Variants in KSR2 observed in about 807,000 individuals in gnomAD.
KSR2 encodes the protein kinase suppressor of ras 2.
KSR2 carries 25 observed loss-of-function variants against 107.8 expected under a neutral mutation model. The ratio of observed to expected loss-of-function variants is 0.23; its 90% CI spans 0.17 to 0.32. The LOEUF (loss-of-function observed/expected upper bound fraction) is 0.32, where lower values mean the gene tolerates loss of function less well. KSR2 is among the 10% of genes least tolerant of loss of function. KSR2 has a pLI of 1.00. For missense variants in KSR2, 887 were observed against 1,268.9 expected (o/e 0.70, Z 4.57); for synonymous variants, 480 against 507.0 (o/e 0.95, Z 0.71).
At chr12:117,753,405 T>C (rs1366957955) in intron 4 of KSR2, among the ~76,000 whole-genome samples, 4 of 152,172 alleles carry the variant, frequency 2.6e-5, no homozygotes, top group Admixed American at 2.0e-4. Context: ...TTCAGCCCCA[T>C]TGAGAATTCA....
intron 1 of KSR2, among the ~76,000 whole-genome samples, chr12:117,956,395 C>T (rs1896519520): frequency 6.6e-6 from 1 of 150,968 alleles, no homozygotes; most frequent in South Asian, 2.1e-4. Flanking sequence ...TAGCAAGACC[C>T]GCACCTCTAC....
chr12:117,908,650 T>C (rs953089763), intron 1 of KSR2, among the ~76,000 whole-genome samples: 4 of 152,166 alleles, frequency 2.6e-5, no homozygotes, highest in Non-Finnish European at 4.4e-5. Flanking sequence ...TGTGAAATCA[T>C]ACAACTGCAA....
chr12:117,688,234 G>C lies in KSR2; in HGVS notation c.987-20576C>G, dbSNP rs1016789971. On this transcript the variant is annotated intron_variant, in intron 4 of 19. Transcript: ENST00000339824. ...GTCTCTACGAAAAATACAAAAACTGGCCAGGAATGGTGGTGGGTGCCTGCA... is the reference window on the plus strand; with the variant it reads ...GTCTCTACGAAAAATACAAAAACTGCCCAGGAATGGTGGTGGGTGCCTGCA... Among the ~76,000 whole-genome samples, 5 of 152,144 alleles carry C rather than the reference G, an allele frequency of 3.3e-5. No homozygotes were observed. In the South Asian group the frequency reaches 1.0e-3, roughly 32 times the overall value.
intron 3 of KSR2, among the ~76,000 whole-genome samples, chr12:117,784,373 T>C (rs996208371): frequency 2.6e-5 from 4 of 152,180 alleles, no homozygotes; most frequent in African/African-American, 9.7e-5. Flanking sequence ...GTCCCTTTGC[T>C]CTTCCTTCCT....
At chr12:117,683,166 T>C (rs1885440366) in intron 4 of KSR2, among the ~76,000 whole-genome samples, 1 of 152,196 alleles carries the variant, frequency 6.6e-6, no homozygotes, top group African/African-American at 2.4e-5. Context: ...CATTCCTTTA[T>C]AAAAATAAAA....
intron 4 of KSR2, among the ~76,000 whole-genome samples, chr12:117,692,143 G>A (rs182052781): frequency 2.0e-5 from 3 of 152,202 alleles, no homozygotes; most frequent in Admixed American, 6.5e-5. Context: ...TATGGCGAAC[G>A]GCACGAAGAG....
intron 5 of KSR2, among the ~76,000 whole-genome samples, chr12:117,635,542 A>G (rs558741494): frequency 4.8e-4 from 73 of 152,334 alleles, no homozygotes; most frequent in African/African-American, 1.6e-3. Flanking sequence ...AACCCAAGAG[A>G]TGATCAGTAT....
chr12:117,489,116 C>G (rs957753952), intron 14 of KSR2, among the ~76,000 whole-genome samples: 1 of 151,732 alleles, frequency 6.6e-6, no homozygotes, highest in Non-Finnish European at 1.5e-5. Context: ...TGAAACTGAC[C>G]TACATGCTGA....
chr12:117,850,955 A>G (rs1258268214), intron 3 of KSR2, among the ~76,000 whole-genome samples: 1 of 152,214 alleles, frequency 6.6e-6, no homozygotes, highest in Non-Finnish European at 1.5e-5. Flanking sequence ...TTCATTTAAA[A>G]ACAAATTGCT....
At chr12:117,513,095 C>T (rs1874135394) in intron 14 of KSR2, among the ~76,000 whole-genome samples, 1 of 152,058 alleles carries the variant, frequency 6.6e-6, no homozygotes, top group Non-Finnish European at 1.5e-5. Context: ...GTCATTCTGT[C>T]TGTCCTCCCT....
At chr12:117,887,949 C>T (rs1478802170) in intron 1 of KSR2, among the ~76,000 whole-genome samples, 1 of 152,200 alleles carries the variant, frequency 6.6e-6, no homozygotes, top group Non-Finnish European at 1.5e-5. Context: ...GCGACATTGT[C>T]TCAAGAGCAG....
chr12:117,847,267 C>A (rs1237175977), intron 3 of KSR2, among the ~76,000 whole-genome samples: 3 of 152,196 alleles, frequency 2.0e-5, no homozygotes, highest in Admixed American at 2.0e-4. Flanking sequence ...AAAGGAAGAC[C>A]GTACGGTGGC....
chr12:117,667,001 A>G (rs1884683589), intron 5 of KSR2, among the ~76,000 whole-genome samples: 1 of 152,232 alleles, frequency 6.6e-6, no homozygotes, highest in Non-Finnish European at 1.5e-5. Flanking sequence ...ACCCAAATAC[A>G]TCTTTGAGAT....
chr12:117,761,401 G>A lies in KSR2; in HGVS notation c.596C>T (p.Pro199Leu), dbSNP rs1889013103. The A allele has an allele frequency of 1.2e-6, 2 of 1,608,448 alleles. No individual in the cohort carries two copies. The highest frequency in any genetic ancestry group is 2.7e-5 in the African/African-American group (2 of 74,568). ...CTGGACGCACTTGGACGGGACCCTG[G>A]GGCTCTGGGAGAGATGGGTGCGGAT... ...PWIRTHLSQS[P>L]RVPSKCVQHY... Residue 199 changes from proline (P) to leucine (L), a missense_variant, in exon 4 of 20, where the codon CCC (proline) becomes CTC (leucine). By Grantham distance (98) the Pro-to-Leu change is moderately conservative (BLOSUM62 -3). This residue lies in a region of KSR2 where 399 missense variants were observed against 479.5 expected (regional missense o/e 0.83). Coordinates refer to ENST00000339824, the MANE Select transcript of KSR2 (RefSeq NM_173598.6).
intron 5 of KSR2, among the ~76,000 whole-genome samples, chr12:117,583,835 C>T (rs552159401): frequency 7.2e-5 from 11 of 152,142 alleles, no homozygotes; most frequent in Non-Finnish European, 1.3e-4. Flanking sequence ...CCTACACGCC[C>T]GTTCTCATTT....
At chr12:117,486,841 G>A (rs1565868778) in intron 14 of KSR2, among the ~76,000 whole-genome samples, 1 of 152,182 alleles carries the variant, frequency 6.6e-6, no homozygotes. Flanking sequence ...TAACCCTGTA[G>A]TTGAATACGA....
intron 5 of KSR2, among the ~76,000 whole-genome samples, chr12:117,651,239 G>T (rs1883893389): frequency 6.6e-6 from 1 of 152,184 alleles, no homozygotes; most frequent in African/African-American, 2.4e-5. Flanking sequence ...CAACAGTGAT[G>T]GCCTCCTCTG....
At position 117,897,690 on chromosome 12, in the gene KSR2, C is replaced by A. The variant is rs558039595; in HGVS notation, c.181-37259G>T. Among the ~76,000 whole-genome samples, 1 of 152,074 alleles carries A rather than the reference C, an allele frequency of 6.6e-6. No homozygotes were observed. The highest frequency in any genetic ancestry group is 1.9e-4 in the East Asian group (1 of 5,166). Reference sequence around the variant, plus strand: ...ATTTTCCTATTTTTTTAAATGTGAGCTAGGTGACTTGGGTGCTAGCTCTTT... The same window carrying A: ...ATTTTCCTATTTTTTTAAATGTGAGATAGGTGACTTGGGTGCTAGCTCTTT... On this transcript the variant is annotated intron_variant, in intron 1 of 19. Coordinates refer to ENST00000339824, the MANE Select transcript of KSR2 (RefSeq NM_173598.6). This position sits in a 1 kb window ranked among gnomAD's most constrained non-coding sequence, Gnocchi z 4.5.
At chr12:117,576,955 C>A (rs1830821541) in intron 7 of KSR2, among the ~76,000 whole-genome samples, 1 of 152,120 alleles carries the variant, frequency 6.6e-6, no homozygotes, top group African/African-American at 2.4e-5. Context: ...TGCATCTGGC[C>A]TGTACTTCTC....
Sources: gnomAD v4.1 joint callset for allele counts (sites outside exome capture counted in the v4.1 genomes callset) on GRCh38, gnomAD v4.1.1 for gene constraint, gnomAD v4.1.1 regional missense constraint, Gnocchi (gnomAD v3.1) non-coding constraint, MANE v1.5 for transcripts, NCBI Gene and HGNC (gene_info 2026-07-23, HGNC 2026-07-21) for gene names.